PKHD1: variants seen among roughly 807,000 people sequenced by gnomAD.
PKHD1 encodes the protein PKHD1 ciliary IPT domain containing fibrocystin/polyductin.
A neutral mutation model predicts 412.0 loss-of-function variants in PKHD1; 291 were observed. The observed-to-expected ratio is 0.71, with a 90% CI of 0.64 to 0.78. The LOEUF (loss-of-function observed/expected upper bound fraction) is 0.78. PKHD1 is among the 30% of genes least tolerant of loss of function. The pLI, the probability that PKHD1 is intolerant of heterozygous loss-of-function variation, is 0.00. For synonymous variants in PKHD1, 1,777 were observed against 1,821.5 expected, an observed-to-expected ratio of 0.98 and a Z score of 0.62; for missense variants, 4,825 against 4,950.7, an observed-to-expected ratio of 0.97 and a Z score of 0.76.
At chr6:51,959,749 G>A in intron 36 of PKHD1, 121 bp downstream of exon 36, 1 of 911,818 alleles carries the variant, frequency 1.1e-6, no homozygotes, top group Non-Finnish European at 1.8e-6. Flanking sequence ...ATTTCAGTTT[G>A]GTCTGAGGAT....
chr6:51,699,510 A>G (rs1479587028), intron 60 of PKHD1, among the ~76,000 whole-genome samples: 1 of 152,182 alleles, frequency 6.6e-6, no homozygotes, highest in African/African-American at 2.4e-5. Context: ...ACTGTCACAA[A>G]TGAAGCTACT....
intron 48 of PKHD1, among the ~76,000 whole-genome samples, chr6:51,863,564 A>C (rs1002466831): frequency 9.9e-5 from 15 of 152,192 alleles, no homozygotes; most frequent in South Asian, 2.1e-4. Flanking sequence ...ATAAAGGCAA[A>C]CTGATGATTG....
rs140091917 is a variant in PKHD1 at position 52,031,282 on chromosome 6, C to T, written c.3364+1748G>A. Among the ~76,000 whole-genome samples, 3 of 152,316 alleles carry T rather than the reference C, an allele frequency of 2.0e-5. No homozygotes were observed. The East Asian group carries it at 5.8e-4, about 29-fold the overall frequency. On this transcript the variant is annotated intron_variant, in intron 29 of 66. Coordinates refer to ENST00000371117, the MANE Select transcript of PKHD1 (RefSeq NM_138694.4). ...GCTGTCTCTGTACCTTGAGTCTCTA[C>T]ATAAAGAACTGCAACCCAACTTTGT...
intron 4 of PKHD1, among the ~76,000 whole-genome samples, chr6:52,082,082 A>T (rs1374187294): frequency 6.6e-6 from 1 of 152,202 alleles, no homozygotes; most frequent in Middle Eastern, 3.2e-3. Flanking sequence ...GAGTATTTGC[A>T]ATGGCAAAAT....
chr6:51,624,702 T>G (rs1222637818), intron 66 of PKHD1, among the ~76,000 whole-genome samples: 2 of 152,252 alleles, frequency 1.3e-5, no homozygotes, highest in Admixed American at 6.5e-5. Context: ...GAAATTGTTC[T>G]GTGCTCTTTA....
At chr6:52,022,709 A>C in intron 33 of PKHD1, 92 bp downstream of exon 33, 1 of 1,279,908 alleles carries the variant, frequency 7.8e-7, no homozygotes. Context: ...ATTAGTAGTC[A>C]GTACAGCATT....
intron 52 of PKHD1, among the ~76,000 whole-genome samples, chr6:51,821,094 T>C (rs1766348784): frequency 6.6e-6 from 1 of 152,140 alleles, no homozygotes; most frequent in South Asian, 2.1e-4. Flanking sequence ...TCACTCAGTT[T>C]CCCTTCTTTT....
intron 60 of PKHD1, among the ~76,000 whole-genome samples, chr6:51,704,802 A>C (rs948770678): frequency 3.3e-5 from 5 of 152,034 alleles, no homozygotes; most frequent in African/African-American, 1.2e-4. Context: ...TAGGTTAGAG[A>C]TAGGGATTTG....
intron 36 of PKHD1, among the ~76,000 whole-genome samples, chr6:51,950,673 C>A (rs919273425): frequency 1.9e-4 from 29 of 152,236 alleles, no homozygotes; most frequent in African/African-American, 5.5e-4. Flanking sequence ...TTGAGAATCA[C>A]TACTATCAGT....
chr6:51,657,201 C>T (rs1441022454), intron 61 of PKHD1, among the ~76,000 whole-genome samples: 1 of 151,752 alleles, frequency 6.6e-6, no homozygotes, highest in Non-Finnish European at 1.5e-5. Context: ...GTCAATGGCT[C>T]TCCAGTGAGT....
At chr6:51,770,021 G>GGTT (rs113728398) in intron 55 of PKHD1, among the ~76,000 whole-genome samples, 27,774 of 150,968 alleles carry the variant, frequency 0.18, 3,316 homozygotes, top group African/African-American at 0.34. Context: ...AATTTATTAA[G>GGTT]GTAATTATGG....
At chr6:51,816,188 C>G (rs976552205) in intron 52 of PKHD1, among the ~76,000 whole-genome samples, 7 of 151,808 alleles carry the variant, frequency 4.6e-5, no homozygotes, top group Non-Finnish European at 1.0e-4. Flanking sequence ...CATAGTAAAA[C>G]ATAGAAAAAG....
chr6:51,912,696 A>C (rs954446265), intron 37 of PKHD1, 120 bp from the exon 38 acceptor site: 4 of 763,978 alleles, frequency 5.2e-6, no homozygotes, highest in African/African-American at 1.7e-5. Context: ...TAAGACCTGG[A>C]AAAGCAAGCT....
At chr6:52,073,337 C>T in intron 7 of PKHD1, 126 bp downstream of exon 7, 1 of 779,084 alleles carries the variant, frequency 1.3e-6, no homozygotes, top group Non-Finnish European at 2.4e-6. Context: ...GGACCATAAA[C>T]TGCAAAAAGG....
chr6:51,643,540 T>G (rs779061880), intron 63 of PKHD1, among the ~76,000 whole-genome samples: 1 of 152,180 alleles, frequency 6.6e-6, no homozygotes, highest in Non-Finnish European at 1.5e-5. Context: ...CCACATTACC[T>G]GGGCCTTTAA....
At chr6:52,042,611 A>C (rs2128181716) in intron 27 of PKHD1, among the ~76,000 whole-genome samples, 1 of 152,298 alleles carries the variant, frequency 6.6e-6, no homozygotes, top group African/African-American at 2.4e-5. Flanking sequence ...GAAATATCAA[A>C]CATGTATGAA....
intron 55 of PKHD1, among the ~76,000 whole-genome samples, chr6:51,769,641 G>A (rs1393201073): frequency 6.6e-6 from 1 of 151,148 alleles, no homozygotes; most frequent in East Asian, 1.9e-4. Context: ...TGCATTGATT[G>A]AGTTCATTAG....
rs1329484844 is a variant in PKHD1, at chr6:52,024,887, A to G, written c.4923T>C (p.Asp1641=). The part of the protein sequence containing the change: ...NGSVALEIEV[D]GLWYHIGVIG... ...TGACTCCTATGTGATACCAAAGTCCATCTACCTCTATTTCCAGGGCAACAG... is the reference window on the plus strand; with the variant it reads ...TGACTCCTATGTGATACCAAAGTCCGTCTACCTCTATTTCCAGGGCAACAG... The change falls in exon 32 of 67, where the codon GAT becomes GAC. Residue 1641 remains aspartate (D), a synonymous_variant. Coordinates refer to ENST00000371117, the MANE Select transcript of PKHD1 (RefSeq NM_138694.4). 3 of 1,614,218 alleles carry G rather than the reference A, an allele frequency of 1.9e-6. No individual in the cohort carries two copies. Among genetic ancestry groups the G allele is most frequent in the South Asian group, 2.2e-5 (2 of 91,082 alleles).
chr6:52,039,288 A>T (rs1312111713), intron 27 of PKHD1, among the ~76,000 whole-genome samples: 1 of 152,156 alleles, frequency 6.6e-6, no homozygotes. Flanking sequence ...CAAATATATC[A>T]AATTGTAATT....
Sources: allele counts gnomAD v4.1 joint callset (sites outside exome capture counted in the v4.1 genomes callset), GRCh38; gene constraint gnomAD v4.1.1; transcripts MANE v1.5; gene names NCBI Gene and HGNC (gene_info 2026-07-23, HGNC 2026-07-21).